RSPH10B2: variants seen among roughly 807,000 people sequenced by gnomAD.
RSPH10B2 encodes radial spoke head 10 homolog B2.
A neutral mutation model predicts 49.0 loss-of-function variants in RSPH10B2; 9 were observed. That is an observed-to-expected ratio of 0.18 (90% CI 0.11 to 0.32). RSPH10B2 has a LOEUF of 0.32. Ranked by LOEUF, RSPH10B2 falls within the 10% of genes least tolerant of loss-of-function variation. RSPH10B2 has a pLI of 1.00. For missense variants in RSPH10B2, 95 were observed against 589.9 expected (o/e 0.16, Z 8.69); for synonymous variants, 35 against 210.2 (o/e 0.17, Z 7.21).
upstream of RSPH10B2, among the ~76,000 whole-genome samples, chr7:6,755,955 A>AC (rs1781047168): frequency 3.5e-5 from 5 of 141,264 alleles, no homozygotes; most frequent in Non-Finnish European, 7.5e-5. Context: ...AAAAAAAAAA[A>AC]ACAAACCCAA....
At chr7:6,795,504 G>A (rs1244946489) in intron 17 of RSPH10B2, among the ~76,000 whole-genome samples, 1 of 101,176 alleles carries the variant, frequency 9.9e-6, no homozygotes, top group Non-Finnish European at 2.1e-5. Context: ...CGGGTGCAGA[G>A]GCTCATGCCT....
intron 18 of RSPH10B2, among the ~76,000 whole-genome samples, chr7:6,797,720 T>C (rs2115098587): frequency 6.6e-6 from 1 of 151,186 alleles, no homozygotes; most frequent in South Asian, 2.1e-4. Flanking sequence ...CCAGATGTGG[T>C]GGCAGGCGCC....
Position 6,790,999 on chromosome 7 carries a change from A to AT in RSPH10B2, c.2140-892dup, listed in dbSNP as rs201720427. 4.5e-3 allele frequency among the ~76,000 whole-genome samples: 399 copies of AT among 88,566 alleles called. 9 individuals carry two copies. In the East Asian group the frequency reaches 0.088, roughly 19 times the overall value. 58.1% of individuals were successfully genotyped at this position (88,566 alleles called of 152,430 possible). A position where few individuals can be genotyped will look rare whatever the true frequency, so the allele number is the denominator to read the frequency against. ...AGTATATGAATCTAAGTATGGTTAA[A>AT]TTTTTTTTTTTTTGAGACAGAGTCT... On this transcript the variant is annotated intron_variant, in intron 16 of 18. Coordinates refer to ENST00000297186, the Ensembl canonical transcript of RSPH10B2.
rs1383158311 is a variant in RSPH10B2, at chr7:6,782,863, A to G, written c.1758+1387A>G. Among the ~76,000 whole-genome samples the G allele has an allele frequency of 5.8e-5, 7 of 120,878 alleles. 3 individuals are homozygous for G. The highest frequency in any genetic ancestry group is 1.8e-4 in the Admixed American group (2 of 11,054). 79.3% of individuals were successfully genotyped at this position (120,878 alleles called of 152,430 possible). A position where few individuals can be genotyped will look rare whatever the true frequency, so the allele number is the denominator to read the frequency against. On this transcript the variant is annotated intron_variant, in intron 13 of 18. Transcript: ENST00000297186. ...GTGCCACTGCACTCCAGTCTAGGCA[A>G]CAAGAGCAGAACTCTGTCTCAAAAA...
intron 4 of RSPH10B2, among the ~76,000 whole-genome samples, 185 bp downstream of exon 6, chr7:6,764,286 C>T (rs1401742208): frequency 4.1e-5 from 6 of 145,338 alleles, no homozygotes; most frequent in African/African-American, 1.5e-4. Context: ...GGGGTAGGGG[C>T]TAGCGGCGCT....
At chr7:6,779,879 C>T (rs1781864160) in intron 11 of RSPH10B2, among the ~76,000 whole-genome samples, 155 bp downstream of exon 13, 1 of 126,266 alleles carries the variant, frequency 7.9e-6, no homozygotes, top group Non-Finnish European at 1.7e-5. Context: ...ACAATCTTGG[C>T]TTACTGCAAC....
chr7:6,756,101 T>C (rs1292452844), upstream of RSPH10B2, among the ~76,000 whole-genome samples: 2 of 150,046 alleles, frequency 1.3e-5, no homozygotes, highest in African/African-American at 5.0e-5. Context: ...ACCCCGTCTC[T>C]ACTAAAAATA....
intron 4 of RSPH10B2, among the ~76,000 whole-genome samples, chr7:6,764,735 TGTG>T (rs1442715617): frequency 2.0e-5 from 3 of 151,198 alleles, no homozygotes; most frequent in Non-Finnish European, 4.4e-5. Flanking sequence ...TGTGTGTGTG[TGTG>T]TTTTACAGCA....
upstream of RSPH10B2, among the ~76,000 whole-genome samples, chr7:6,756,209 G>A (rs984834900): frequency 1.4e-5 from 2 of 141,114 alleles, no homozygotes; most frequent in East Asian, 2.1e-4. Flanking sequence ...GGTGGAGCTT[G>A]CAGTGAGCCA....
chr7:6,780,419 T>C (rs1419551077), intron 11 of RSPH10B2, among the ~76,000 whole-genome samples: 1 of 118,312 alleles, frequency 8.5e-6, no homozygotes, highest in Non-Finnish European at 1.8e-5. Flanking sequence ...AATCTCGCTC[T>C]GTCACCCAGG....
intron 18 of RSPH10B2, among the ~76,000 whole-genome samples, chr7:6,797,864 A>ATACACACACACACAC (rs1370266545): frequency 4.2e-5 from 3 of 71,336 alleles, no homozygotes; most frequent in African/African-American, 2.1e-4. Flanking sequence ...AAAAAAAAAA[A>ATACACACACACACAC]ATACACACAC....
At chr7:6,787,189 A>C (rs1467232920) in intron 15 of RSPH10B2, among the ~76,000 whole-genome samples, 168 bp downstream of exon 17, 3 of 136,446 alleles carry the variant, frequency 2.2e-5, no homozygotes, top group Non-Finnish European at 1.5e-5. Flanking sequence ...CCCTGTCTCT[A>C]TTAAAACTAC....
chr7:6,766,644 C>A, intron 5 of RSPH10B2, 113 bp from the exon 8 acceptor site: 1 of 155,902 alleles, frequency 6.4e-6, no homozygotes, highest in Non-Finnish European at 1.2e-5. Flanking sequence ...TGTATAAGTA[C>A]AAGGGGTGGA....
At chr7:6,797,852 C>CA (rs549782599) in intron 18 of RSPH10B2, among the ~76,000 whole-genome samples, 4,269 of 73,758 alleles carry the variant, frequency 0.058, 961 homozygotes, top group South Asian at 0.1. Context: ...GACCCTATCT[C>CA]AAAAAAAAAA....
At chr7:6,795,965 T>G (rs1459753538) in intron 17 of RSPH10B2, among the ~76,000 whole-genome samples, 1 of 141,610 alleles carries the variant, frequency 7.1e-6, no homozygotes. Context: ...GAGAAACGAG[T>G]TTTTTTATTC....
At chr7:6,758,430 C>G (rs1374393124) in intron 1 of RSPH10B2, among the ~76,000 whole-genome samples, 1 of 147,034 alleles carries the variant, frequency 6.8e-6, no homozygotes, top group South Asian at 2.2e-4. Context: ...AGCCCCATGG[C>G]GTGTGTATAT....
chr7:6,774,264 G>A (rs1781690334), intron 9 of RSPH10B2, among the ~76,000 whole-genome samples: 1 of 77,048 alleles, frequency 1.3e-5, no homozygotes, highest in Non-Finnish European at 2.4e-5. Context: ...TGCAACCTCC[G>A]CCTCCCGCGT....
At chr7:6,797,439 C>G (rs1438431637) in intron 18 of RSPH10B2, among the ~76,000 whole-genome samples, 41 of 152,334 alleles carry the variant, frequency 2.7e-4, no homozygotes, top group African/African-American at 9.6e-4. Flanking sequence ...AGGAAACCAA[C>G]CACGAGATTA....
chr7:6,779,822 T>A, intron 11 of RSPH10B2, 98 bp downstream of exon 13: 2 of 313,150 alleles, frequency 6.4e-6, no homozygotes, highest in Non-Finnish European at 1.1e-5. Flanking sequence ...TTTTTATTTT[T>A]TTGGAGATGG....
Sources: gnomAD v4.1 joint callset for allele counts (sites outside exome capture counted in the v4.1 genomes callset) on GRCh38, gnomAD v4.1.1 for gene constraint, MANE v1.5 for transcripts, NCBI Gene and HGNC (gene_info 2026-07-23, HGNC 2026-07-21) for gene names.